SLIT3: variants seen among roughly 807,000 people sequenced by gnomAD.
SLIT3 encodes slit homolog 3 protein.
SLIT3 carries 68 observed loss-of-function variants against 184.0 expected under a neutral mutation model. That is an observed-to-expected ratio of 0.37 (90% CI 0.30 to 0.45). The LOEUF is 0.45. SLIT3 is among the 20% of genes least tolerant of loss of function. SLIT3 has a pLI of 1.00. For synonymous variants in SLIT3, 831 were observed against 828.6 expected (o/e 1.00, Z -0.05); for missense variants, 1,707 against 2,026.0 (o/e 0.84, Z 3.02).
chr5:169,087,105 C>T (rs906411536), intron 4 of SLIT3, among the ~76,000 whole-genome samples: 3 of 152,208 alleles, frequency 2.0e-5, no homozygotes, highest in South Asian at 2.1e-4. Context: ...TGCACCCTCC[C>T]GGCATGCTAT....
At chr5:168,799,395 G>A (rs1241655558) in intron 9 of SLIT3, among the ~76,000 whole-genome samples, 1 of 152,178 alleles carries the variant, frequency 6.6e-6, no homozygotes, top group African/African-American at 2.4e-5. Context: ...TGATTTAATA[G>A]AACTAGCATA....
At chr5:169,223,191 C>T (rs1160059215) in intron 3 of SLIT3, among the ~76,000 whole-genome samples, 1 of 152,046 alleles carries the variant, frequency 6.6e-6, no homozygotes, top group African/African-American at 2.4e-5. Flanking sequence ...TACCATGTGC[C>T]GGGATGAGAA....
At chr5:169,268,467 C>T (rs1456766601) in intron 1 of SLIT3, among the ~76,000 whole-genome samples, 1 of 152,220 alleles carries the variant, frequency 6.6e-6, no homozygotes, top group Non-Finnish European at 1.5e-5. Flanking sequence ...GCAGGCGGAA[C>T]TCTCCAATTT....
chr5:168,839,617 T>C (rs1031433978), intron 6 of SLIT3, among the ~76,000 whole-genome samples: 1 of 152,176 alleles, frequency 6.6e-6, no homozygotes, highest in Non-Finnish European at 1.5e-5. Flanking sequence ...GGGAGCAATA[T>C]GGTGTGTGGT....
chr5:169,090,984 C>A (rs568831174), intron 4 of SLIT3, among the ~76,000 whole-genome samples: 1 of 152,318 alleles, frequency 6.6e-6, no homozygotes, highest in African/African-American at 2.4e-5. Flanking sequence ...GTCCCGTGCC[C>A]ATTGTCCTTT....
chr5:169,041,054 T>C (rs1757432685), intron 4 of SLIT3, among the ~76,000 whole-genome samples: 1 of 152,226 alleles, frequency 6.6e-6, no homozygotes, highest in Admixed American at 6.5e-5. Context: ...ATATTCCACA[T>C]TTGTCACTGT....
At chr5:169,172,615 C>T (rs7726322) in intron 4 of SLIT3, among the ~76,000 whole-genome samples, 4,467 of 152,240 alleles carry the variant, frequency 0.029, 86 homozygotes, top group South Asian at 0.095. Context: ...ATTTGGGAAA[C>T]GCACATCTAG....
chr5:169,283,332 AG>A (rs1767050464), intron 1 of SLIT3, among the ~76,000 whole-genome samples: 1 of 152,184 alleles, frequency 6.6e-6, no homozygotes, highest in South Asian at 2.1e-4. Flanking sequence ...GCGGGGTGGG[AG>A]GGAAGCAGGC....
chr5:168,697,449 T>C (rs1041830104), intron 27 of SLIT3, among the ~76,000 whole-genome samples: 1 of 152,122 alleles, frequency 6.6e-6, no homozygotes, highest in Non-Finnish European at 1.5e-5. Context: ...GGAGTGAGCA[T>C]CCATCTGATT....
At chr5:168,743,220 T>A (rs1315891843) in intron 20 of SLIT3, among the ~76,000 whole-genome samples, 1 of 152,160 alleles carries the variant, frequency 6.6e-6, no homozygotes, top group Non-Finnish European at 1.5e-5. Context: ...GCACTTTGCT[T>A]TATTGCACTT....
intron 4 of SLIT3, among the ~76,000 whole-genome samples, chr5:169,057,115 T>C (rs761557113): frequency 6.6e-6 from 1 of 152,152 alleles, no homozygotes; most frequent in Non-Finnish European, 1.5e-5. Flanking sequence ...TAAGGCCACA[T>C]TGAGGTTTGA....
intron 1 of SLIT3, among the ~76,000 whole-genome samples, chr5:169,279,934 C>A (rs1159756779): frequency 2.0e-5 from 3 of 152,372 alleles, no homozygotes; most frequent in African/African-American, 7.2e-5. Context: ...CACTTATTAG[C>A]AGTCACCACG....
chr5:169,106,051 G>T (rs191989703), intron 4 of SLIT3, among the ~76,000 whole-genome samples: 23 of 145,782 alleles, frequency 1.6e-4, no homozygotes, highest in Non-Finnish European at 9.1e-5. Context: ...GAGCCTGTTG[G>T]GGGGGCAGGG....
chr5:168,877,374 C>G (rs1759771031), intron 5 of SLIT3, among the ~76,000 whole-genome samples: 1 of 152,038 alleles, frequency 6.6e-6, no homozygotes, highest in Admixed American at 6.5e-5. Context: ...CAGGAAGGAG[C>G]TTGGGGTGTT....
intron 3 of SLIT3, among the ~76,000 whole-genome samples, chr5:169,240,267 ATTG>A (rs1354123653): frequency 1.3e-5 from 2 of 151,864 alleles, no homozygotes; most frequent in African/African-American, 2.4e-5. Context: ...GTTTACAAAT[ATTG>A]TTATTTAATA....
chr5:169,250,790 G>A (rs183957034), intron 2 of SLIT3, among the ~76,000 whole-genome samples: 31 of 152,252 alleles, frequency 2.0e-4, no homozygotes, highest in East Asian at 1.2e-3. Context: ...TAGACTTTTT[G>A]ACAGACAAGC....
At position 168,735,069 on chromosome 5, in the gene SLIT3, G is replaced by A. The variant is rs188128486; in HGVS notation, c.2271-10585C>T. On this transcript the variant is annotated intron_variant, in intron 20 of 35. Coordinates refer to ENST00000519560, the MANE Select transcript of SLIT3 (RefSeq NM_003062.4). ...AAGTTGTCTGTAGCCTACAGTCCAG[G>A]CTCCCAGAGGGACCCTTTCAGGAGA... Among the ~76,000 whole-genome samples, 25 of 152,314 alleles carry A rather than the reference G, an allele frequency of 1.6e-4. No individual in the cohort carries two copies. The East Asian group carries it at 4.8e-3, about 29-fold the overall frequency.
chr5:169,122,429 C>T (rs947651877), intron 4 of SLIT3, among the ~76,000 whole-genome samples: 1 of 152,136 alleles, frequency 6.6e-6, no homozygotes, highest in East Asian at 1.9e-4. Context: ...GCTCTGGTAC[C>T]TGGAGTATTT....
intron 4 of SLIT3, among the ~76,000 whole-genome samples, chr5:169,010,175 G>A (rs569074952): frequency 6.6e-6 from 1 of 152,328 alleles, no homozygotes; most frequent in South Asian, 2.1e-4. Flanking sequence ...GGTGTGGAAT[G>A]TTTAGGCAAA....
Sources: gnomAD v4.1 joint callset for allele counts (sites outside exome capture counted in the v4.1 genomes callset) on GRCh38, gnomAD v4.1.1 for gene constraint, MANE v1.5 for transcripts, NCBI Gene and HGNC (gene_info 2026-07-23, HGNC 2026-07-21) for gene names.